Variants in ABCA13 observed in about 807,000 individuals in gnomAD.
ABCA13 encodes the protein ATP binding cassette subfamily A member 13.
In ABCA13, 476 loss-of-function variants were observed where a neutral mutation model predicts 478.7. The observed-to-expected ratio is 0.99, with a 90% CI of 0.92 to 1.07. The LOEUF (loss-of-function observed/expected upper bound fraction) is 1.07. Ranked by LOEUF, ABCA13 falls within the 50% of genes least tolerant of loss-of-function variation. The pLI is 0.00. For synonymous variants in ABCA13, 2,252 were observed against 2,158.9 expected (o/e 1.04, Z -1.20); for missense variants, 6,060 against 5,910.6 (o/e 1.03, Z -0.83).
At chr7:48,386,629 T>G (rs1375390006) in intron 35 of ABCA13, among the ~76,000 whole-genome samples, 1 of 152,012 alleles carries the variant, frequency 6.6e-6, no homozygotes, top group Non-Finnish European at 1.5e-5. Flanking sequence ...AAACAAGCAA[T>G]GGGGAAAGGA....
intron 48 of ABCA13, among the ~76,000 whole-genome samples, chr7:48,502,950 A>T (rs1002828371): frequency 6.6e-6 from 1 of 152,196 alleles, no homozygotes; most frequent in African/African-American, 2.4e-5. Context: ...ACTCCTGAAA[A>T]TTTAATTAAT....
intron 55 of ABCA13, among the ~76,000 whole-genome samples, chr7:48,528,726 G>A (rs1331424832): frequency 6.6e-6 from 1 of 152,144 alleles, no homozygotes. Flanking sequence ...ATCAGCCTAA[G>A]TGGCCAGATG....
intron 3 of ABCA13, among the ~76,000 whole-genome samples, chr7:48,205,543 T>A (rs1245192507): frequency 6.6e-6 from 1 of 152,230 alleles, no homozygotes; most frequent in Non-Finnish European, 1.5e-5. Context: ...TAAATGTCTC[T>A]ATCTTGCACT....
At chr7:48,543,556 G>T (rs553041468) in intron 55 of ABCA13, among the ~76,000 whole-genome samples, 1 of 151,404 alleles carries the variant, frequency 6.6e-6, no homozygotes, top group Non-Finnish European at 1.5e-5. Context: ...CCCAGGAGTC[G>T]GAGGTTGCAG....
At chr7:48,174,874 C>T (rs1191317032) in intron 1 of ABCA13, among the ~76,000 whole-genome samples, 1 of 152,184 alleles carries the variant, frequency 6.6e-6, no homozygotes, top group African/African-American at 2.4e-5. Context: ...GTTGTATACA[C>T]ATAATTATTT....
intron 58 of ABCA13, among the ~76,000 whole-genome samples, chr7:48,608,106 C>A (rs1330050026): frequency 1.3e-5 from 2 of 151,938 alleles, no homozygotes; most frequent in South Asian, 4.2e-4. Context: ...GTCTGGAACT[C>A]CTGACCTCAG....
At chr7:48,624,097 T>TGG (rs1235436651) in intron 59 of ABCA13, among the ~76,000 whole-genome samples, 1 of 148,704 alleles carries the variant, frequency 6.7e-6, no homozygotes, top group African/African-American at 2.5e-5. Flanking sequence ...TGTGTGTGTG[T>TGG]GTGGCTCAGT....
At chr7:48,226,902 A>G (rs1788290938) in intron 5 of ABCA13, among the ~76,000 whole-genome samples, 1 of 152,194 alleles carries the variant, frequency 6.6e-6, no homozygotes, top group Admixed American at 6.5e-5. Flanking sequence ...TTACATGTAA[A>G]GAATAGATCA....
intron 49 of ABCA13, among the ~76,000 whole-genome samples, chr7:48,506,896 T>C (rs1288413904): frequency 6.6e-6 from 1 of 152,192 alleles, no homozygotes; most frequent in Non-Finnish European, 1.5e-5. Context: ...TGTCTTCTCT[T>C]TTTCTCCCCC....
rs765630285 is a variant in ABCA13 at position 48,248,364 on chromosome 7, C to T, written c.1785C>T (p.Leu595=). ...AAGCAAGCCTTTCCTGTACTCGGCT[C>T]TTCCTGCTGCTGGGAGCTGATCCCT... The part of the protein sequence containing the change: ...LSEASLSCTR[L]FLLLGADPSP... Residue 595 remains leucine, a synonymous_variant, in exon 14 of 62, where the codon CTC becomes CTT. Coordinates refer to ENST00000435803, the MANE Select transcript of ABCA13 (RefSeq NM_152701.5). 1 of 1,613,792 alleles carries T rather than the reference C, an allele frequency of 6.2e-7. No individual in the cohort carries two copies. Among genetic ancestry groups the T allele is most frequent in the South Asian group, 1.1e-5 (1 of 91,050 alleles).
chr7:48,274,471 G>T lies in ABCA13; in HGVS notation c.4805G>T (p.Ser1602Ile). Residue 1602 changes from serine to isoleucine, a missense_variant, in exon 17 of 62, where the codon AGT becomes ATT. Ser to Ile is a moderately radical substitution (Grantham distance 142). Transcript: ENST00000435803. ...GGCAATTCCATTTATCACTTAGCTA[G>T]TTACCTTGCCTTCAGCTTATCTCAT... ...SVGNSIYHLA[S>I]YLAFSLSHDL... 6.2e-7 allele frequency: 1 copy of T among 1,613,838 alleles called. No homozygotes were observed. The highest frequency in any genetic ancestry group is 8.5e-7 in the Non-Finnish European group (1 of 1,179,824).
intron 59 of ABCA13, among the ~76,000 whole-genome samples, chr7:48,639,615 A>T (rs777067218): frequency 1.3e-5 from 2 of 152,228 alleles, no homozygotes; most frequent in Non-Finnish European, 2.9e-5. Context: ...ATGTGTAGGG[A>T]ATAGCACATG....
At chr7:48,368,037 T>A in intron 32 of ABCA13, 129 bp downstream of exon 32, 1 of 612,406 alleles carries the variant, frequency 1.6e-6, no homozygotes, top group Non-Finnish European at 2.8e-6. Context: ...GGTTCTGGTG[T>A]ACAAAATAGC....
At chr7:48,299,362 A>G (rs1219913142) in intron 23 of ABCA13, among the ~76,000 whole-genome samples, 1 of 152,206 alleles carries the variant, frequency 6.6e-6, no homozygotes, top group Admixed American at 6.5e-5. Context: ...TCTAAATTAA[A>G]AAGAGATTAG....
chr7:48,576,466 A>G lies in ABCA13; in HGVS notation c.14355-3758A>G, dbSNP rs1788198582. ...TGCTTTCAGCAGGAGTTAATTATAT[A>G]GAAGTATGCCCAGACCTCTGTAAGC... On this transcript the variant is annotated intron_variant, in intron 55 of 61. Transcript: ENST00000435803. Among the ~76,000 whole-genome samples, 5 of 152,318 alleles carry G rather than the reference A, an allele frequency of 3.3e-5. No homozygotes were observed. The South Asian group carries it at 8.3e-4, about 25-fold the overall frequency.
rs142219513 is a variant in ABCA13, at chr7:48,581,698, T to A, written c.14505+1324T>A. On this transcript the variant is annotated intron_variant, in intron 56 of 61. Transcript: ENST00000435803. ...TTCATCTGTCTTACAACTTTGTTTT[T>A]CTGAATTGTTCTACCAATAAAAGTT... 1.6e-3 allele frequency among the ~76,000 whole-genome samples: 244 copies of A among 152,366 alleles called. 3 individuals are homozygous for A. Among genetic ancestry groups the A allele is most frequent in the African/African-American group, 5.8e-3 (241 of 41,584 alleles).
intron 23 of ABCA13, among the ~76,000 whole-genome samples, 168 bp downstream of exon 23, chr7:48,298,655 A>G (rs888675089): frequency 2.6e-5 from 4 of 152,246 alleles, no homozygotes; most frequent in Non-Finnish European, 5.9e-5. Context: ...ACAAGAGAAC[A>G]AGCAAGGAAC....
chr7:48,406,742 G>A (rs373007434), intron 39 of ABCA13, among the ~76,000 whole-genome samples: 1 of 152,104 alleles, frequency 6.6e-6, no homozygotes, highest in African/African-American at 2.4e-5. Context: ...GCATGGTGGC[G>A]CATGCCTGTA....
At chr7:48,224,977 TTTA>T (rs925400736) in intron 5 of ABCA13, among the ~76,000 whole-genome samples, 13 of 152,160 alleles carry the variant, frequency 8.5e-5, no homozygotes, top group Admixed American at 2.0e-4. Context: ...ATTTTCCTTC[TTTA>T]TTATTATTAT....
Sources: gnomAD v4.1 joint callset for allele counts (sites outside exome capture counted in the v4.1 genomes callset) on GRCh38, gnomAD v4.1.1 for gene constraint, MANE v1.5 for transcripts, NCBI Gene and HGNC (gene_info 2026-07-23, HGNC 2026-07-21) for gene names.